Variants in GALNS observed in about 807,000 individuals in gnomAD.
GALNS encodes the protein galactosamine (N-acetyl)-6-sulfatase.
GALNS carries 65 observed loss-of-function variants against 65.9 expected under a neutral mutation model. The observed-to-expected ratio is 0.99, with a 90% CI of 0.81 to 1.21. The LOEUF is 1.21. Ranked by LOEUF, GALNS falls within the 50% of genes most tolerant of loss-of-function variation. The probability of loss-of-function intolerance (pLI) is 0.00; values close to 1 mark genes in which losing one functional copy is unlikely to be tolerated. For missense variants in GALNS, 776 were observed against 700.7 expected (o/e 1.11, Z -1.21); for synonymous variants, 346 against 288.9 (o/e 1.20, Z -2.00).
At position 88,840,982 on chromosome 16, in the gene GALNS, G is replaced by A. The variant is rs1966939295; in HGVS notation, c.422+10C>T. On this transcript the variant is annotated intron_variant, in intron 4 of 13. Coordinates refer to ENST00000268695, the MANE Select transcript of GALNS (RefSeq NM_000512.5). The stretch of plus-strand genomic sequence containing the variant: ...CAGGACGCCTGGGCAGGCGTGGCCA[G>A]GAGACTTACCACTTGCCGACAATCT... The A allele has an allele frequency of 1.1e-5, 18 of 1,609,896 alleles. No homozygotes were observed. The highest frequency in any genetic ancestry group is 1.4e-5 in the Non-Finnish European group (16 of 1,176,872).
At chr16:88,837,488 C>G (rs3784883) in intron 5 of GALNS, 134 bp downstream of exon 5, 10 of 885,638 alleles carry the variant, frequency 1.1e-5, no homozygotes, top group Non-Finnish European at 1.8e-5. Context: ...CCAAAGCCCT[C>G]GGTGCCCGGG....
chr16:88,839,918 G>A (rs1966890365), intron 4 of GALNS, among the ~76,000 whole-genome samples: 1 of 152,246 alleles, frequency 6.6e-6, no homozygotes. Flanking sequence ...GGTCACTGTG[G>A]GGCTTGTCAC....
intron 3 of GALNS, among the ~76,000 whole-genome samples, chr16:88,841,599 C>G (rs1228795821): frequency 6.6e-6 from 1 of 152,248 alleles, no homozygotes; most frequent in East Asian, 1.9e-4. Context: ...GCCACAGCCC[C>G]GGCCTCCCTG....
At chr16:88,824,531 C>T (rs1037326676) in intron 11 of GALNS, among the ~76,000 whole-genome samples, 3 of 152,100 alleles carry the variant, frequency 2.0e-5, no homozygotes, top group African/African-American at 4.8e-5. Flanking sequence ...GTAGCTATGC[C>T]GCGGGGCTAC....
At chr16:88,816,641 G>A (rs1371602212) in intron 13 of GALNS, 1 of 985,130 alleles carries the variant, frequency 1.0e-6, no homozygotes, top group African/African-American at 1.7e-5. Context: ...ACTGCTGGTA[G>A]GTGCTCCCGA....
chr16:88,854,612 C>G (rs1019571872), intron 1 of GALNS, among the ~76,000 whole-genome samples: 1 of 152,242 alleles, frequency 6.6e-6, no homozygotes, highest in East Asian at 1.9e-4. Flanking sequence ...AGACCCACAT[C>G]ACGCTAACAT....
intron 3 of GALNS, among the ~76,000 whole-genome samples, chr16:88,841,376 C>T (rs111990249): frequency 3.9e-5 from 6 of 152,278 alleles, no homozygotes; most frequent in African/African-American, 1.4e-4. Context: ...TCAGGCCCCA[C>T]CCTGCCTCTC....
Position 88,835,819 on chromosome 16 carries a change from G to A in GALNS, c.664C>T (p.Arg222Trp), listed in dbSNP as rs146963745. Residue 222 changes from arginine (R) to tryptophan (W), a missense_variant, in exon 7 of 14, where the codon CGG becomes TGG. By Grantham distance (101) the Arg-to-Trp change is moderately radical. Coordinates refer to ENST00000268695, the MANE Select transcript of GALNS (RefSeq NM_000512.5). ...CAGTAGAGGAAAAAGGGGTGGTGCC[G>A]TGCCTGTCTCTTAATGAAGTCCAGG... is the stretch of plus-strand genomic sequence containing the variant. ...EALDFIKRQARHHPFFLYWAV... is the reference protein window; with the variant it reads ...EALDFIKRQAWHHPFFLYWAV... The A allele has an allele frequency of 3.5e-5, 57 of 1,614,042 alleles. 1 individual carries two copies. Among genetic ancestry groups the A allele is most frequent in the Admixed American group, 2.5e-4 (15 of 60,014 alleles).
chr16:88,815,746 C>T (rs772882401), intron 13 of GALNS: 322 of 985,298 alleles, frequency 3.3e-4, no homozygotes, highest in Non-Finnish European at 3.7e-4. Context: ...GCAGGGATGC[C>T]GCATGAGTGT....
chr16:88,820,602 G>A (rs1431643427), intron 12 of GALNS, among the ~76,000 whole-genome samples: 3 of 152,252 alleles, frequency 2.0e-5, no homozygotes, highest in East Asian at 1.9e-4. Context: ...AGCTCTGCCT[G>A]CTGCCTGGGT....
intron 1 of GALNS, among the ~76,000 whole-genome samples, chr16:88,854,142 G>C (rs1403433753): frequency 2.6e-5 from 4 of 152,230 alleles, no homozygotes; most frequent in Admixed American, 1.3e-4. Context: ...ATCTGAACTT[G>C]AGACATGCAC....
intron 13 of GALNS, chr16:88,815,523 G>A (rs537903344): frequency 5.1e-5 from 50 of 985,496 alleles, no homozygotes; most frequent in Non-Finnish European, 6.0e-5. Context: ...TGCTTGATGG[G>A]AGGGCACTTT....
chr16:88,850,060 C>T (rs1967434735), intron 1 of GALNS, among the ~76,000 whole-genome samples: 1 of 152,242 alleles, frequency 6.6e-6, no homozygotes, highest in South Asian at 2.1e-4. Context: ...TTGCCCTCCA[C>T]CTCCCCGAGT....
chr16:88,814,652 G>A (rs1909446102), intron 13 of GALNS, 127 bp from the exon 14 acceptor site: 2 of 1,478,070 alleles, frequency 1.4e-6, no homozygotes, highest in African/African-American at 1.4e-5. Flanking sequence ...GGAGTTCAGT[G>A]GCGCGATCTT....
chr16:88,837,749 G>A lies in GALNS; in HGVS notation c.439C>T (p.Pro147Ser). ...CCGTGCTTCAGGGGGTGGAACTGGG[G>A]CCTGTGACCCAGATGCCTGGAAACA... The part of the protein sequence containing the change: ...IVGKWHLGHR[P>S]QFHPLKHGFD... Residue 147 changes from proline to serine, a missense_variant, in exon 5 of 14, where the codon CCC becomes TCC. Coordinates refer to ENST00000268695, the MANE Select transcript of GALNS (RefSeq NM_000512.5). 1 of 1,613,978 alleles carries A rather than the reference G, an allele frequency of 6.2e-7. No individual in the cohort carries two copies. Among genetic ancestry groups the A allele is most frequent in the African/African-American group, 1.3e-5 (1 of 75,036 alleles).
At chr16:88,816,819 G>A (rs1909677127) in intron 13 of GALNS, 1 of 985,486 alleles carries the variant, frequency 1.0e-6, no homozygotes, top group Non-Finnish European at 1.2e-6. Flanking sequence ...CCGCACAGCA[G>A]GAGCCCAGGC....
At chr16:88,850,240 C>T (rs960351814) in intron 1 of GALNS, among the ~76,000 whole-genome samples, 5 of 152,250 alleles carry the variant, frequency 3.3e-5, no homozygotes, top group East Asian at 1.9e-4. Context: ...GGGCTCCCTT[C>T]GGGCTGGGAG....
At chr16:88,836,040 C>G (rs1474060660) in intron 6 of GALNS, among the ~76,000 whole-genome samples, 161 bp downstream of exon 6, 4 of 149,624 alleles carry the variant, frequency 2.7e-5, no homozygotes, top group Non-Finnish European at 3.0e-5. Context: ...GGTCCCCGTC[C>G]CCACGCGTCC....
intron 9 of GALNS, among the ~76,000 whole-genome samples, chr16:88,828,736 G>C (rs952895734): frequency 2.6e-5 from 4 of 152,240 alleles, no homozygotes; most frequent in African/African-American, 9.6e-5. Flanking sequence ...CCGTGGGCAG[G>C]TGGGTGGGGA....
Sources: gnomAD v4.1 joint callset for allele counts (sites outside exome capture counted in the v4.1 genomes callset) on GRCh38, gnomAD v4.1.1 for gene constraint, MANE v1.5 for transcripts, NCBI Gene and HGNC (gene_info 2026-07-23, HGNC 2026-07-21) for gene names.